FOXP1: variants seen among roughly 807,000 people sequenced by gnomAD.
FOXP1 encodes the protein forkhead box protein P1.
FOXP1 carries 15 observed loss-of-function variants against 98.2 expected under a neutral mutation model. That is an observed-to-expected ratio of 0.15 (90% CI 0.10 to 0.24). The LOEUF (loss-of-function observed/expected upper bound fraction) is 0.24. FOXP1 is among the 10% of genes least tolerant of loss of function. FOXP1 has a pLI of 1.00. For synonymous variants in FOXP1, 371 were observed against 314.5 expected, an observed-to-expected ratio of 1.18 and a Z score of -1.90; for missense variants, 633 against 848.5, an observed-to-expected ratio of 0.75 and a Z score of 3.15.
chr3:71,190,734 T>A (rs1402718155), intron 6 of FOXP1, among the ~76,000 whole-genome samples: 1 of 152,006 alleles, frequency 6.6e-6, no homozygotes, highest in Non-Finnish European at 1.5e-5. Flanking sequence ...AGCTCACTTA[T>A]GAGCCCACTT....
At chr3:71,357,993 TAACCCTC>T (rs1400734719) in intron 4 of FOXP1, among the ~76,000 whole-genome samples, 1 of 152,204 alleles carries the variant, frequency 6.6e-6, no homozygotes, top group African/African-American at 2.4e-5. Flanking sequence ...GGATTCTGAT[TAACCCTC>T]TATTCCCAAA....
intron 5 of FOXP1, among the ~76,000 whole-genome samples, chr3:71,257,060 G>A (rs1352815803): frequency 6.6e-6 from 1 of 152,158 alleles, no homozygotes; most frequent in African/African-American, 2.4e-5. Flanking sequence ...GCAGTATGAT[G>A]GGAAGGCCCA....
At chr3:71,007,733 CACTTAGT>C (rs2107666788) in intron 12 of FOXP1, among the ~76,000 whole-genome samples, 1 of 152,238 alleles carries the variant, frequency 6.6e-6, no homozygotes, top group South Asian at 2.1e-4. Flanking sequence ...TTACAGAGCA[CACTTAGT>C]AGTTTCTTTC....
rs142170149 is a variant in FOXP1, at chr3:71,247,011, C to T, written c.-11-48619G>A. ...ATACAGGGTGATTCTTTCACTGTGG[C>T]GCTACAGCTCTCAGCATAAGTGTTT... On this transcript the variant is annotated intron_variant, in intron 5 of 20. Transcript: ENST00000649528. Among the ~76,000 whole-genome samples the T allele has an allele frequency of 1.7e-4, 26 of 152,146 alleles. 1 individual carries two copies. The highest frequency in any genetic ancestry group is 5.5e-4 in the African/African-American group (23 of 41,494).
rs933933846 is a variant in FOXP1, at chr3:70,957,172, G to A, written c.*2075C>T. The A allele has an allele frequency of 9.0e-6, 2 of 223,134 alleles. No homozygotes were observed. The highest frequency in any genetic ancestry group is 1.8e-5 in the Non-Finnish European group (2 of 111,778). The allele number at this position is 223,134 out of a possible 1,614,324, so 13.8% of individuals were successfully genotyped here. ...TACATTCATTTTTTTTTTGAGATGG[G>A]ACTCCCTTCCTTCTGTAGCTCCTTT... On this transcript the variant is annotated 3_prime_UTR_variant, in exon 21 of 21. Coordinates refer to ENST00000649528, the MANE Select transcript of FOXP1 (RefSeq NM_001349338.3).
At chr3:71,051,559 C>T (rs542338432) in intron 9 of FOXP1, among the ~76,000 whole-genome samples, 1 of 152,286 alleles carries the variant, frequency 6.6e-6, no homozygotes, top group South Asian at 2.1e-4. Flanking sequence ...AAGTGGCCAC[C>T]TGCTTAGGGC....
At chr3:71,119,507 TA>T (rs999134060) in intron 6 of FOXP1, among the ~76,000 whole-genome samples, 1 of 151,492 alleles carries the variant, frequency 6.6e-6, no homozygotes, top group Middle Eastern at 3.4e-3. Flanking sequence ...GAAAAGCTTG[TA>T]AAAAAAAAGA....
intron 4 of FOXP1, among the ~76,000 whole-genome samples, chr3:71,300,087 T>G (rs2107558706): frequency 6.6e-6 from 1 of 152,304 alleles, no homozygotes; most frequent in Non-Finnish European, 1.5e-5. Context: ...ATTGACTTGG[T>G]GGGGAAAAGT....
intron 4 of FOXP1, among the ~76,000 whole-genome samples, chr3:71,339,711 C>G (rs2076903717): frequency 6.6e-6 from 1 of 152,096 alleles, no homozygotes; most frequent in African/African-American, 2.4e-5. Context: ...CAGTATGGTA[C>G]AAGAATAGTT....
intron 4 of FOXP1, among the ~76,000 whole-genome samples, chr3:71,346,970 T>C (rs901452325): frequency 1.3e-5 from 2 of 151,722 alleles, no homozygotes; most frequent in Admixed American, 6.6e-5. Context: ...GACATGGAGG[T>C]TGCAGTTAGC....
chr3:71,389,264 G>A (rs1577256503), intron 3 of FOXP1, among the ~76,000 whole-genome samples: 1 of 92,676 alleles, frequency 1.1e-5, no homozygotes, highest in East Asian at 2.7e-4. Flanking sequence ...CGGGGGGGGC[G>A]GGTTATAAAT....
chr3:71,435,959 G>A (rs201432646), intron 3 of FOXP1, among the ~76,000 whole-genome samples: 1 of 65,024 alleles, frequency 1.5e-5, no homozygotes, highest in Non-Finnish European at 4.7e-5. Context: ...GAGGGAGGGA[G>A]GGAGGAAAAA....
intron 5 of FOXP1, among the ~76,000 whole-genome samples, chr3:71,275,726 G>A (rs745993431): frequency 2.6e-4 from 40 of 152,198 alleles, no homozygotes; most frequent in Non-Finnish European, 5.7e-4. Context: ...GTGTATGTGA[G>A]GCTTCTGGGC....
At chr3:71,277,161 T>C (rs909050605) in intron 5 of FOXP1, among the ~76,000 whole-genome samples, 3 of 152,024 alleles carry the variant, frequency 2.0e-5, no homozygotes, top group East Asian at 1.9e-4. Context: ...GGTTTCACCA[T>C]GTTAGCCAGG....
At chr3:71,561,184 G>A (rs1427337623) in intron 2 of FOXP1, among the ~76,000 whole-genome samples, 1 of 152,020 alleles carries the variant, frequency 6.6e-6, no homozygotes, top group African/African-American at 2.4e-5. Context: ...AGCCTCCTGA[G>A]TAGCTGGGAT....
At chr3:71,219,822 A>G (rs1407777584) in intron 5 of FOXP1, among the ~76,000 whole-genome samples, 2 of 152,138 alleles carry the variant, frequency 1.3e-5, no homozygotes, top group Non-Finnish European at 2.9e-5. Context: ...CGTGCAGCAC[A>G]CACTTCAGGA....
At chr3:71,261,195 T>G (rs1235074243) in intron 5 of FOXP1, among the ~76,000 whole-genome samples, 1 of 152,220 alleles carries the variant, frequency 6.6e-6, no homozygotes, top group Non-Finnish European at 1.5e-5. Context: ...TCGGATATTC[T>G]AAGTAATTAT....
intron 5 of FOXP1, among the ~76,000 whole-genome samples, chr3:71,211,968 A>G (rs1321421829): frequency 6.6e-6 from 1 of 152,228 alleles, no homozygotes; most frequent in African/African-American, 2.4e-5. Context: ...TGTAGGTGAG[A>G]AAGACTTTTA....
intron 7 of FOXP1, 110 bp from the exon 8 acceptor site, chr3:71,053,883 C>A: frequency 9.1e-7 from 1 of 1,093,918 alleles, no homozygotes; most frequent in East Asian, 2.5e-5. Flanking sequence ...ACCAATTTCC[C>A]ATGCAACATG....
Sources: gnomAD v4.1 joint callset for allele counts (sites outside exome capture counted in the v4.1 genomes callset) on GRCh38, gnomAD v4.1.1 for gene constraint, MANE v1.5 for transcripts, NCBI Gene and HGNC (gene_info 2026-07-23, HGNC 2026-07-21) for gene names.